The following PIANP variants were observed in gnomAD, a reference collection of about 807,000 sequenced individuals.
PIANP encodes PILR alpha associated neural protein, also known as PILR alpha-associated neural protein.
PIANP carries 14 observed loss-of-function variants against 28.9 expected under a neutral mutation model. That is an observed-to-expected ratio of 0.49 (90% CI 0.32 to 0.76). The LOEUF (loss-of-function observed/expected upper bound fraction) is 0.76. PIANP is among the 30% of genes least tolerant of loss of function. PIANP has a pLI of 0.03. For synonymous variants in PIANP, 149 were observed against 156.6 expected (o/e 0.95, Z 0.36); for missense variants, 322 against 371.8 (o/e 0.87, Z 1.10).
chr12:6,693,018 G>A (rs1261360868), downstream of PIANP, among the ~76,000 whole-genome samples: 2 of 152,160 alleles, frequency 1.3e-5, no homozygotes, highest in African/African-American at 4.8e-5. Flanking sequence ...GTGGGGCACA[G>A]ATTGGGGGAG....
chr12:6,695,500 C>T lies in PIANP; in HGVS notation c.757G>A (p.Glu253Lys), dbSNP rs1241423036. Residue 253 changes from glutamate to lysine, a missense_variant, in exon 5 of 5, where the codon GAG becomes AAG. Coordinates refer to ENST00000534837, the MANE Select transcript of PIANP (RefSeq NM_001244014.2). This position sits in a 1 kb window ranked among gnomAD's most constrained non-coding sequence, Gnocchi z 4.2. Reference protein sequence around the residue: ...GDSPTPTPDHEEPRGGPRPGM... With the variant: ...GDSPTPTPDHKEPRGGPRPGM... ...GGCCGGGGTCCCCCTCGGGGCTCCT[C>T]ATGGTCAGGGGTGGGGGTAGGTGAG... 6.5e-7 allele frequency: 1 copy of T among 1,545,378 alleles called. No homozygotes were observed. The highest frequency in any genetic ancestry group is 2.0e-5 in the Admixed American group (1 of 49,746).
rs1001634866 is a variant in PIANP, at chr12:6,700,313, G to A, written c.-44+301C>T. 6.6e-6 allele frequency: 1 copy of A among 152,396 alleles called. No homozygotes were observed. Among genetic ancestry groups the A allele is most frequent in the South Asian group, 2.1e-4 (1 of 4,828 alleles). The allele number at this position is 152,396 out of a possible 1,614,324, so 9.4% of individuals were successfully genotyped here. A position where few individuals can be genotyped will look rare whatever the true frequency, so the allele number is the denominator to read the frequency against. On this transcript the variant is annotated intron_variant, in intron 1 of 4. Transcript: ENST00000534837. This position sits in a 1 kb window ranked among gnomAD's most constrained non-coding sequence, Gnocchi z 5.5. ...AAAAGGAGGTCGGCGAAGGGACCCC[G>A]AGGCAGGGAGTGCCGAGAGCGGACT...
In PIANP at chr12:6,696,370, C is replaced by A. The variant is rs1290387196; in HGVS notation, c.605+73G>T. ...CCCCCCAGCAAAATTGCTGCCACTGCCCCTCGTGGTTAGAGCCTCGACTGC... is the reference window on the plus strand; with the variant it reads ...CCCCCCAGCAAAATTGCTGCCACTGACCCTCGTGGTTAGAGCCTCGACTGC... On this transcript the variant is annotated intron_variant, in intron 4 of 4. Transcript: ENST00000534837. The surrounding 1 kb of genome is among the most constrained non-coding windows in gnomAD (Gnocchi z 4.0). 3 of 1,217,360 alleles carry A rather than the reference C, an allele frequency of 2.5e-6. No individual in the cohort carries two copies. The highest frequency in any genetic ancestry group is 2.7e-5 in the Admixed American group (1 of 36,412). 75.4% of individuals were successfully genotyped at this position (1,217,360 alleles called of 1,614,324 possible). A position where few individuals can be genotyped will look rare whatever the true frequency, so the allele number is the denominator to read the frequency against.
Position 6,696,579 on chromosome 12 carries a change from G to A in PIANP, c.524-55C>T, listed in dbSNP as rs1959870820. 1 of 1,286,724 alleles carries A rather than the reference G, an allele frequency of 7.8e-7. No homozygotes were observed. 79.7% of individuals were successfully genotyped at this position (1,286,724 alleles called of 1,614,324 possible). A position where few individuals can be genotyped will look rare whatever the true frequency, so the allele number is the denominator to read the frequency against. On this transcript the variant is annotated intron_variant, in intron 3 of 4. Coordinates refer to ENST00000534837, the MANE Select transcript of PIANP (RefSeq NM_001244014.2). This position sits in a 1 kb window ranked among gnomAD's most constrained non-coding sequence, Gnocchi z 4.0. ...AGCCCCGAGGTGGTAGGAGCCAAGA[G>A]GGGCTGGGGGCTGGGCTGTGGGCTC...
Position 6,697,895 on chromosome 12 carries a change from C to A in PIANP, c.18-103G>T. 1.3e-6 allele frequency: 2 copies of A among 1,507,914 alleles called. No homozygotes were observed. The highest frequency in any genetic ancestry group is 2.5e-5 in the South Asian group (2 of 78,572). 93.4% of individuals were successfully genotyped at this position (1,507,914 alleles called of 1,614,324 possible). On this transcript the variant is annotated intron_variant, in intron 2 of 4. Transcript: ENST00000534837. This position sits in a 1 kb window ranked among gnomAD's most constrained non-coding sequence, Gnocchi z 6.9. ...AAACCTCCAGGTTTCCCTGTGAAAG[C>A]AGGTGGGCCTTGGGAAGACTCGCCT...
At position 6,696,537 on chromosome 12, in the gene PIANP, G is replaced by A. The variant is rs759170974; in HGVS notation, c.524-13C>T. 12 of 1,572,428 alleles carry A rather than the reference G, an allele frequency of 7.6e-6. No homozygotes were observed. The highest frequency in any genetic ancestry group is 5.5e-5 in the Admixed American group (3 of 54,374). ...TGGGGGTCCACACCTGATTGGGGTG[G>A]GAAGAAAGTTTTAGGGAGCCCCGAG... is the stretch of plus-strand genomic sequence containing the variant. On this transcript the variant is annotated splice_polypyrimidine_tract_variant and intron_variant, in intron 3 of 4. Transcript: ENST00000534837. The surrounding 1 kb of genome is among the most constrained non-coding windows in gnomAD (Gnocchi z 4.0).
Position 6,697,279 on chromosome 12 carries a change from C to T in PIANP, c.523+8G>A, listed in dbSNP as rs752738586. 6.2e-6 allele frequency: 10 copies of T among 1,613,290 alleles called. No individual in the cohort carries two copies. The African/African-American group carries it at 1.2e-4, about 19-fold the overall frequency. On this transcript the variant is annotated splice_region_variant and intron_variant, in intron 3 of 4. Coordinates refer to ENST00000534837, the MANE Select transcript of PIANP (RefSeq NM_001244014.2). The surrounding 1 kb of genome is among the most constrained non-coding windows in gnomAD (Gnocchi z 6.9). ...TCCGTCATATCCCTCCCAGCCTTTC[C>T]CACTCACCTTCCCCACGGCCCCCGA... is the stretch of plus-strand genomic sequence containing the variant.
Position 6,696,461 on chromosome 12 carries a change from C to A in PIANP, c.587G>T (p.Gly196Val). 1 of 1,600,200 alleles carries A rather than the reference C, an allele frequency of 6.2e-7. No homozygotes were observed. Among genetic ancestry groups the A allele is most frequent in the Non-Finnish European group, 8.5e-7 (1 of 1,173,864 alleles). ...AGCTTACCAGAACTTGAAGATGATG[C>A]CAGTGGCCACGAGAACAATGATGAT... ...ISIIIVLVAT[G>V]IIFKFCWDRS... The change falls in exon 4 of 5, where the codon GGC (glycine) becomes GTC (valine). Residue 196 changes from glycine (G) to valine (V), a missense_variant. Transcript: ENST00000534837. This position sits in a 1 kb window ranked among gnomAD's most constrained non-coding sequence, Gnocchi z 4.0.
chr12:6,695,408 A>G lies in PIANP; in HGVS notation c.*18T>C. ...AGTTGCCTTCCCTCTTTGCCCTCCC[A>G]TCCCATTGCCCCTGCCCTCACCGGT... is the stretch of plus-strand genomic sequence containing the variant. On this transcript the variant is annotated 3_prime_UTR_variant, in exon 5 of 5. Coordinates refer to ENST00000534837, the MANE Select transcript of PIANP (RefSeq NM_001244014.2). The surrounding 1 kb of genome is among the most constrained non-coding windows in gnomAD (Gnocchi z 4.2). 8 of 1,463,136 alleles carry G rather than the reference A, an allele frequency of 5.5e-6. No homozygotes were observed. Among genetic ancestry groups the G allele is most frequent in the Middle Eastern group, 2.6e-4 (1 of 3,844 alleles). The allele number at this position is 1,463,136 out of a possible 1,614,324, so 90.6% of individuals were successfully genotyped here.
rs928051044 is a variant in PIANP at position 6,700,079 on chromosome 12, C to G, written c.-44+535G>C. 16 of 152,410 alleles carry G rather than the reference C, an allele frequency of 1.0e-4. No homozygotes were observed. The highest frequency in any genetic ancestry group is 2.1e-4 in the Non-Finnish European group (14 of 68,136). The allele number at this position is 152,410 out of a possible 1,614,324, so 9.4% of individuals were successfully genotyped here. ...AGCTTCAGCCGCCCCCTCCAGGAAGCCCGCAGTCCCCGGGCTGGCGCGCCA... is the reference window on the plus strand; with the variant it reads ...AGCTTCAGCCGCCCCCTCCAGGAAGGCCGCAGTCCCCGGGCTGGCGCGCCA... On this transcript the variant is annotated intron_variant, in intron 1 of 4. Coordinates refer to ENST00000534837, the MANE Select transcript of PIANP (RefSeq NM_001244014.2). The surrounding 1 kb of genome is among the most constrained non-coding windows in gnomAD (Gnocchi z 5.5).
chr12:6,696,297 T>A lies in PIANP; in HGVS notation c.605+146A>T, dbSNP rs1959858663. The A allele has an allele frequency of 1.7e-6, 1 of 575,518 alleles. No homozygotes were observed. The highest frequency in any genetic ancestry group is 3.5e-5 in the Admixed American group (1 of 28,398). 35.7% of individuals were successfully genotyped at this position (575,518 alleles called of 1,614,324 possible). On this transcript the variant is annotated intron_variant, in intron 4 of 4. Coordinates refer to ENST00000534837, the MANE Select transcript of PIANP (RefSeq NM_001244014.2). This position sits in a 1 kb window ranked among gnomAD's most constrained non-coding sequence, Gnocchi z 4.0. ...CACCGTCTTCCCCCAGCCAAATCCT[T>A]AATTATCTTTTCCCAAGGTCTTGCC... is the stretch of plus-strand genomic sequence containing the variant.
At chr12:6,693,567 C>T (rs769693584), downstream of PIANP, among the ~76,000 whole-genome samples, 10 of 152,116 alleles carry the variant, frequency 6.6e-5, no homozygotes, top group Non-Finnish European at 1.2e-4. Flanking sequence ...AAGTGAGCCA[C>T]GATTTCTATT....
chr12:6,695,208 G>A lies in PIANP; in HGVS notation c.*218C>T. 1 of 1,450,292 alleles carries A rather than the reference G, an allele frequency of 6.9e-7. No homozygotes were observed. The highest frequency in any genetic ancestry group is 9.1e-7 in the Non-Finnish European group (1 of 1,094,652). 89.8% of individuals were successfully genotyped at this position (1,450,292 alleles called of 1,614,324 possible). A position where few individuals can be genotyped will look rare whatever the true frequency, so the allele number is the denominator to read the frequency against. ...AGAAAAAACCAAAGAGGGCAGAGTT[G>A]GAGTTATGGGCAGCAGAGAATAGGA... On this transcript the variant is annotated 3_prime_UTR_variant, in exon 5 of 5. Coordinates refer to ENST00000534837, the MANE Select transcript of PIANP (RefSeq NM_001244014.2). This position sits in a 1 kb window ranked among gnomAD's most constrained non-coding sequence, Gnocchi z 4.2.
Position 6,696,571 on chromosome 12 carries a change from A to T in PIANP, c.524-47T>A. On this transcript the variant is annotated intron_variant, in intron 3 of 4. Coordinates refer to ENST00000534837, the MANE Select transcript of PIANP (RefSeq NM_001244014.2). This position sits in a 1 kb window ranked among gnomAD's most constrained non-coding sequence, Gnocchi z 4.0. ...TTTTAGGGAGCCCCGAGGTGGTAGGAGCCAAGAGGGGCTGGGGGCTGGGCT... is the reference window on the plus strand; with the variant it reads ...TTTTAGGGAGCCCCGAGGTGGTAGGTGCCAAGAGGGGCTGGGGGCTGGGCT... 1.4e-6 allele frequency: 2 copies of T among 1,410,680 alleles called. No individual in the cohort carries two copies. Among genetic ancestry groups the T allele is most frequent in the Non-Finnish European group, 9.6e-7 (1 of 1,038,956 alleles). The allele number at this position is 1,410,680 out of a possible 1,614,324, so 87.4% of individuals were successfully genotyped here.
In PIANP at chr12:6,697,553, G is replaced by A; in HGVS notation, c.257C>T (p.Pro86Leu). ...CTCAAAGCCTGATGGGGTGGCTGGG[G>A]GTGCAGTGCCAGGCAGGACTTGCCG... ...SRRQVLPGTA[P>L]PATPSGFEEG... The change falls in exon 3 of 5, where the codon CCC becomes CTC. Residue 86 changes from proline (P) to leucine (L), a missense_variant. Transcript: ENST00000534837. This position sits in a 1 kb window ranked among gnomAD's most constrained non-coding sequence, Gnocchi z 6.9. 6.2e-7 allele frequency: 1 copy of A among 1,605,678 alleles called. No individual in the cohort carries two copies.
Position 6,695,392 on chromosome 12 carries a change from C to A in PIANP, c.*34G>T. On this transcript the variant is annotated 3_prime_UTR_variant, in exon 5 of 5. Transcript: ENST00000534837. The surrounding 1 kb of genome is among the most constrained non-coding windows in gnomAD (Gnocchi z 4.2). ...CAGCTCTGAAGACCTAAGTTGCCTT[C>A]CCTCTTTGCCCTCCCATCCCATTGC... 6.9e-7 allele frequency: 1 copy of A among 1,441,086 alleles called. No individual in the cohort carries two copies. The highest frequency in any genetic ancestry group is 9.1e-7 in the Non-Finnish European group (1 of 1,094,396). The allele number at this position is 1,441,086 out of a possible 1,614,324, so 89.3% of individuals were successfully genotyped here. A position where few individuals can be genotyped will look rare whatever the true frequency, so the allele number is the denominator to read the frequency against.
In PIANP at chr12:6,696,276, G is replaced by A. The variant is rs1018402835; in HGVS notation, c.605+167C>T. On this transcript the variant is annotated intron_variant, in intron 4 of 4. Transcript: ENST00000534837. The surrounding 1 kb of genome is among the most constrained non-coding windows in gnomAD (Gnocchi z 4.0). ...ACAGAATCTGCCCTGATTTCTCACC[G>A]TCTTCCCCCAGCCAAATCCTTAATT... Among the ~76,000 whole-genome samples, 7 of 152,030 alleles carry A rather than the reference G, an allele frequency of 4.6e-5. No individual in the cohort carries two copies. The highest frequency in any genetic ancestry group is 9.7e-5 in the African/African-American group (4 of 41,380).
chr12:6,697,287 C>T lies in PIANP; in HGVS notation c.523G>A (p.Gly175Ser), dbSNP rs756231581. The T allele has an allele frequency of 6.2e-7, 1 of 1,613,676 alleles. No individual in the cohort carries two copies. Among genetic ancestry groups the T allele is most frequent in the South Asian group, 1.1e-5 (1 of 91,046 alleles). The change falls in exon 3 of 5, where the codon GGT (glycine) becomes AGT (serine). Residue 175 changes from glycine to serine, a missense_variant and splice_region_variant. Transcript: ENST00000534837. The surrounding 1 kb of genome is among the most constrained non-coding windows in gnomAD (Gnocchi z 6.9). Reference sequence around the variant, plus strand: ...ATCCCTCCCAGCCTTTCCCACTCACCTTCCCCACGGCCCCCGAACAGGAAT... The same window carrying T: ...ATCCCTCCCAGCCTTTCCCACTCACTTTCCCCACGGCCCCCGAACAGGAAT... ...RPFLFGGRGE[G>S]VDPQLYVTIT...
intron 1 of PIANP, among the ~76,000 whole-genome samples, chr12:6,698,969 C>T (rs549752827): frequency 6.6e-6 from 1 of 152,320 alleles, no homozygotes; most frequent in African/African-American, 2.4e-5. Flanking sequence ...ATGGGCCAGA[C>T]GCAGTGGCTC....
Sources: allele counts gnomAD v4.1 joint callset (sites outside exome capture counted in the v4.1 genomes callset), GRCh38; gene constraint gnomAD v4.1.1; non-coding constraint Gnocchi (gnomAD v3.1); transcripts MANE v1.5; gene names NCBI Gene and HGNC (gene_info 2026-07-23, HGNC 2026-07-21).